Variants in AGBL1 observed in about 807,000 individuals in gnomAD.
AGBL1 encodes the protein AGBL carboxypeptidase 1.
A neutral mutation model predicts 118.9 loss-of-function variants in AGBL1; 130 were observed. The observed-to-expected ratio is 1.09, with a 90% CI of 0.95 to 1.26. The LOEUF (loss-of-function observed/expected upper bound fraction) is 1.26. AGBL1 is among the 50% of genes most tolerant of loss of function. The pLI, the probability that AGBL1 is intolerant of heterozygous loss-of-function variation, is 0.00. For missense variants in AGBL1, 1,584 were observed against 1,298.1 expected, an observed-to-expected ratio of 1.22 and a Z score of -3.38; for synonymous variants, 555 against 478.9, an observed-to-expected ratio of 1.16 and a Z score of -2.08.
chr15:86,358,893 AT>A (rs1300752639), intron 17 of AGBL1, among the ~76,000 whole-genome samples: 1 of 151,440 alleles, frequency 6.6e-6, no homozygotes, highest in Non-Finnish European at 1.5e-5. Flanking sequence ...CTTTTGAGTT[AT>A]TTGAGTTCCT....
intron 19 of AGBL1, among the ~76,000 whole-genome samples, chr15:86,526,260 C>G (rs1216834752): frequency 6.6e-6 from 1 of 151,872 alleles, no homozygotes; most frequent in South Asian, 2.1e-4. Context: ...TATACACTAC[C>G]AATGGGAATG....
At chr15:86,320,688 A>G (rs28848481) in intron 17 of AGBL1, among the ~76,000 whole-genome samples, 5,361 of 151,684 alleles carry the variant, frequency 0.035, 319 homozygotes, top group African/African-American at 0.12. Flanking sequence ...ACGTCTTACT[A>G]TTAAGTATGA....
chr15:86,209,375 A>G (rs1245982923), intron 5 of AGBL1, among the ~76,000 whole-genome samples: 1 of 152,130 alleles, frequency 6.6e-6, no homozygotes, highest in Non-Finnish European at 1.5e-5. Context: ...TACCCTTGTT[A>G]ACCTTCTGTC....
At chr15:86,181,752 A>C (rs1273342113) in intron 5 of AGBL1, among the ~76,000 whole-genome samples, 1 of 152,090 alleles carries the variant, frequency 6.6e-6, no homozygotes, top group East Asian at 1.9e-4. Flanking sequence ...AAAATCTTTA[A>C]AGAAGGATAC....
chr15:86,271,920 TGAAA>T (rs977193156), intron 15 of AGBL1, among the ~76,000 whole-genome samples: 1 of 152,242 alleles, frequency 6.6e-6, no homozygotes, highest in African/African-American at 2.4e-5. Context: ...TTTGATTGGC[TGAAA>T]GAGTTTATCT....
intron 13 of AGBL1, among the ~76,000 whole-genome samples, chr15:86,267,733 G>A (rs187320151): frequency 1.6e-4 from 25 of 152,294 alleles, no homozygotes; most frequent in Middle Eastern, 3.4e-3. Context: ...AGAAGAGACC[G>A]CGGTTCTCAC....
intron 23 of AGBL1, among the ~76,000 whole-genome samples, chr15:86,964,845 T>C (rs2081033365): frequency 6.6e-6 from 1 of 151,934 alleles, no homozygotes; most frequent in Non-Finnish European, 1.5e-5. Flanking sequence ...TGTGTTCTCA[T>C]TGTTCAACTC....
At chr15:86,905,870 G>A (rs1295118421) in intron 22 of AGBL1, among the ~76,000 whole-genome samples, 1 of 152,110 alleles carries the variant, frequency 6.6e-6, no homozygotes, top group Non-Finnish European at 1.5e-5. Context: ...AAGTCAGCCT[G>A]TAAAATATGA....
chr15:86,550,242 T>C (rs1393443652), intron 20 of AGBL1, among the ~76,000 whole-genome samples: 6 of 152,078 alleles, frequency 3.9e-5, no homozygotes, highest in Non-Finnish European at 7.4e-5. Flanking sequence ...ATGAGACATA[T>C]AGAATCAAAC....
intron 7 of AGBL1, among the ~76,000 whole-genome samples, chr15:86,253,844 C>T (rs1202001765): frequency 6.6e-6 from 1 of 152,106 alleles, no homozygotes; most frequent in Non-Finnish European, 1.5e-5. Flanking sequence ...ACTACCCATC[C>T]ATCTCCAGAA....
chr15:86,426,756 A>G (rs182318899), intron 18 of AGBL1, among the ~76,000 whole-genome samples: 3 of 152,176 alleles, frequency 2.0e-5, no homozygotes, highest in Admixed American at 6.5e-5. Context: ...CCACTATGTT[A>G]TGTGTTTTGC....
chr15:86,760,614 G>T (rs1312078519), intron 22 of AGBL1, among the ~76,000 whole-genome samples: 1 of 152,072 alleles, frequency 6.6e-6, no homozygotes, highest in African/African-American at 2.4e-5. Context: ...GCCAGCTGCT[G>T]CCACAAGAGG....
chr15:86,976,858 C>T lies in AGBL1; in HGVS notation c.3222-11129C>T, dbSNP rs79339428. ...ATTTCAAAAACAACTTTGTTTATGT[C>T]GTGTATGGATCTGTTGCTGTCCTCA... On this transcript the variant is annotated intron_variant, in intron 23 of 24. Transcript: ENST00000441037. Among the ~76,000 whole-genome samples, 344 of 151,916 alleles carry T rather than the reference C, an allele frequency of 2.3e-3. 1 individual carries two copies. The highest frequency in any genetic ancestry group is 7.9e-3 in the African/African-American group (329 of 41,492).
chr15:86,458,982 CT>C (rs1429464502), intron 18 of AGBL1, among the ~76,000 whole-genome samples: 1 of 152,130 alleles, frequency 6.6e-6, no homozygotes, highest in Non-Finnish European at 1.5e-5. Context: ...CTGTACTCAC[CT>C]TTTGCCTTAA....
intron 22 of AGBL1, among the ~76,000 whole-genome samples, chr15:86,732,811 C>G (rs1272216565): frequency 6.6e-6 from 1 of 151,670 alleles, no homozygotes; most frequent in African/African-American, 2.4e-5. Flanking sequence ...CTCATATCCT[C>G]ATCTCTGAGC....
chr15:86,436,737 T>C (rs2082004949), intron 18 of AGBL1, among the ~76,000 whole-genome samples: 1 of 152,212 alleles, frequency 6.6e-6, no homozygotes. Flanking sequence ...GCAGCAGCTG[T>C]TAATGAGGAA....
At chr15:86,780,034 T>C (rs1319549715) in intron 22 of AGBL1, among the ~76,000 whole-genome samples, 2 of 152,182 alleles carry the variant, frequency 1.3e-5, no homozygotes, top group Non-Finnish European at 2.9e-5. Flanking sequence ...TCTGCTCATA[T>C]CCTATTTAAG....
At chr15:86,282,674 T>C (rs1355672966) in intron 16 of AGBL1, among the ~76,000 whole-genome samples, 1 of 152,238 alleles carries the variant, frequency 6.6e-6, no homozygotes, top group Non-Finnish European at 1.5e-5. Flanking sequence ...GTACATTCTG[T>C]AATGCTAACC....
rs75694170 is a variant in AGBL1 at position 87,027,410 on chromosome 15, G to A, written c.3324-1415G>A. ...CAGGAGGCAGAAATACCATTTGACCGAGCAATCTCATTACCCAGAGGAATA... is the reference window on the plus strand; with the variant it reads ...CAGGAGGCAGAAATACCATTTGACCAAGCAATCTCATTACCCAGAGGAATA... On this transcript the variant is annotated intron_variant, in intron 24 of 24. Coordinates refer to the AGBL1 transcript ENST00000441037. Among the ~76,000 whole-genome samples, 1,265 of 151,710 alleles carry A rather than the reference G, an allele frequency of 8.3e-3. 63 individuals are homozygous for A. The East Asian group carries it at 0.12, about 14-fold the overall frequency.
Sources: gnomAD v4.1 joint callset for allele counts (sites outside exome capture counted in the v4.1 genomes callset) on GRCh38, gnomAD v4.1.1 for gene constraint, MANE v1.5 for transcripts, NCBI Gene and HGNC (gene_info 2026-07-23, HGNC 2026-07-21) for gene names.